NAALAD2: variants seen among roughly 807,000 people sequenced by gnomAD.
NAALAD2 encodes N-acetylated-alpha-linked acidic dipeptidase 2.
NAALAD2 carries 89 observed loss-of-function variants against 95.6 expected under a neutral mutation model. The observed-to-expected ratio is 0.93, with a 90% CI of 0.78 to 1.11. The LOEUF (loss-of-function observed/expected upper bound fraction) is 1.11. Among genes scored for constraint, NAALAD2 ranks in the 50% least tolerant of loss-of-function variants. The pLI, the probability that NAALAD2 is intolerant of heterozygous loss-of-function variation, is 0.00. For missense variants in NAALAD2, 894 were observed against 872.4 expected (o/e 1.02, Z -0.31); for synonymous variants, 264 against 294.4 (o/e 0.90, Z 1.06).
At chr11:90,142,906 A>G (rs1951656053) in intron 2 of NAALAD2, among the ~76,000 whole-genome samples, 1 of 152,018 alleles carries the variant, frequency 6.6e-6, no homozygotes, top group Non-Finnish European at 1.5e-5. Context: ...AGGTTATATT[A>G]TACATCTGTA....
rs116084933 is a variant in NAALAD2 at position 90,177,164 on chromosome 11, C to T, written c.1594-689C>T. ...CGAAGAACTAAAAAGAATATTTATA[C>T]GGGATACTACTATGTAATAATTCAT... On this transcript the variant is annotated intron_variant, in intron 15 of 18. Coordinates refer to ENST00000534061, the MANE Select transcript of NAALAD2 (RefSeq NM_005467.4). Among the ~76,000 whole-genome samples, 973 of 152,130 alleles carry T rather than the reference C, an allele frequency of 6.4e-3. 18 individuals are homozygous for T. The highest frequency in any genetic ancestry group is 0.022 in the African/African-American group (923 of 41,498).
chr11:90,156,523 C>T (rs577359208), intron 6 of NAALAD2, among the ~76,000 whole-genome samples: 1 of 152,106 alleles, frequency 6.6e-6, no homozygotes, highest in East Asian at 1.9e-4. Flanking sequence ...AGTGCTATAC[C>T]TCTCCCTATA....
chr11:90,134,536 C>G (rs1040857658), upstream of NAALAD2: 37 of 540,672 alleles, frequency 6.8e-5, no homozygotes, highest in Non-Finnish European at 1.0e-4. Context: ...GGAAGTTGCC[C>G]GCCAACAGGA....
intron 6 of NAALAD2, among the ~76,000 whole-genome samples, chr11:90,155,698 TA>T (rs1242433945): frequency 1.3e-4 from 6 of 47,188 alleles, no homozygotes; most frequent in African/African-American, 8.1e-4. Flanking sequence ...CATACATATG[TA>T]TGTATTATTA....
chr11:90,139,153 G>C (rs1345190203), intron 2 of NAALAD2, among the ~76,000 whole-genome samples: 2 of 152,040 alleles, frequency 1.3e-5, no homozygotes, highest in Non-Finnish European at 1.5e-5. Context: ...TCCCTTCCTG[G>C]CAAGGTATTT....
intron 11 of NAALAD2, 31 bp from the exon 12 acceptor site, chr11:90,168,898 G>T: frequency 1.9e-6 from 3 of 1,550,102 alleles, no homozygotes; most frequent in Non-Finnish European, 2.6e-6. Flanking sequence ...TAAGTAATGT[G>T]AATTAAGTAA....
intron 2 of NAALAD2, 48 bp downstream of exon 2, chr11:90,135,718 C>A: frequency 1.4e-6 from 2 of 1,480,306 alleles, no homozygotes; most frequent in South Asian, 1.2e-5. Flanking sequence ...TTTAAAATAT[C>A]ACAGTGAGAA....
intron 2 of NAALAD2, among the ~76,000 whole-genome samples, chr11:90,140,501 A>T (rs1230372785): frequency 2.6e-5 from 4 of 151,038 alleles, no homozygotes; most frequent in Admixed American, 6.6e-5. Context: ...AGTTTTTTTT[A>T]AATTGCTGCA....
Position 90,163,017 on chromosome 11 carries a change from G to C in NAALAD2, c.1058G>C (p.Arg353Thr). 1 of 1,571,470 alleles carries C rather than the reference G, an allele frequency of 6.4e-7. No homozygotes were observed. The highest frequency in any genetic ancestry group is 2.3e-5 in the East Asian group (1 of 44,248). The part of the protein sequence containing the change: ...TRIYNVVGTI[R>T]GSVEPDRYVI... The stretch of plus-strand genomic sequence containing the variant: ...ATTTACAATGTAGTTGGAACTATCA[G>C]AGGATCTGTGGAACCTGGTGAGTCA... Residue 353 changes from arginine to threonine, a missense_variant, in exon 9 of 19, where the codon AGA (arginine) becomes ACA (threonine). By Grantham distance (71) the Arg-to-Thr change is moderately conservative. Coordinates refer to ENST00000534061, the MANE Select transcript of NAALAD2 (RefSeq NM_005467.4).
intron 11 of NAALAD2, among the ~76,000 whole-genome samples, chr11:90,166,622 T>G (rs1179845526): frequency 6.6e-6 from 1 of 151,394 alleles, no homozygotes; most frequent in Non-Finnish European, 1.5e-5. Context: ...GATCACGAGG[T>G]CAGGAGATCG....
chr11:90,172,048 G>A (rs150959303), intron 13 of NAALAD2, among the ~76,000 whole-genome samples: 100 of 152,288 alleles, frequency 6.6e-4, no homozygotes, highest in African/African-American at 2.2e-3. Flanking sequence ...CCAACGGGAC[G>A]TGATTTCTGA....
chr11:90,158,231 T>A lies in NAALAD2; in HGVS notation c.883T>A (p.Leu295Ile), dbSNP rs370946523. ...CATTGGATATAATGATGCAGAAATA[T>A]TATTACGGTATAGTTTTCTTGTTGG... ...HPIGYNDAEI[L>I]LRYLGGIAPP... is the part of the protein sequence containing the mutation. Residue 295 changes from leucine (L) to isoleucine (I), a missense_variant, in exon 7 of 19, where the codon TTA (leucine) becomes ATA (isoleucine). Coordinates refer to ENST00000534061, the MANE Select transcript of NAALAD2 (RefSeq NM_005467.4). 4.4e-5 allele frequency: 71 copies of A among 1,604,384 alleles called. 1 individual carries two copies. The South Asian group carries it at 7.8e-4, about 18-fold the overall frequency.
intron 18 of NAALAD2, among the ~76,000 whole-genome samples, chr11:90,189,629 C>T (rs1026607907): frequency 3.3e-5 from 5 of 152,024 alleles, no homozygotes; most frequent in Middle Eastern, 3.4e-3. Context: ...ATTAGCCAGG[C>T]GTGGTGGTAG....
At chr11:90,183,047 A>C (rs775870373) in intron 18 of NAALAD2, 39 bp downstream of exon 18, 3 of 1,470,344 alleles carry the variant, frequency 2.0e-6, no homozygotes, top group East Asian at 4.5e-5. Context: ...CACTGTGACC[A>C]AAACCAGCAT....
At chr11:90,185,669 T>A (rs1255529703) in intron 18 of NAALAD2, among the ~76,000 whole-genome samples, 1 of 152,072 alleles carries the variant, frequency 6.6e-6, no homozygotes, top group African/African-American at 2.4e-5. Flanking sequence ...TTTTTTTCAT[T>A]TTTTTAGATA....
chr11:90,139,992 T>C (rs1169563942), intron 2 of NAALAD2, among the ~76,000 whole-genome samples: 1 of 152,110 alleles, frequency 6.6e-6, no homozygotes, highest in Non-Finnish European at 1.5e-5. Flanking sequence ...AGTGGCACTT[T>C]GTATGGATCC....
Position 90,181,543 on chromosome 11 carries a change from CTG to C in NAALAD2, c.1859-76_1859-75del, listed in dbSNP as rs1440505566. ...TCGACATCTATGTGGTCATATCAAT[CTG>C]GAATGGGGAGGGTGGGAAAGCGAAC... On this transcript the variant is annotated intron_variant, in intron 16 of 18. Transcript: ENST00000534061. 6.3e-6 allele frequency: 6 copies of C among 948,830 alleles called. No homozygotes were observed. In the African/African-American group the frequency reaches 9.9e-5, roughly 16 times the overall value. The allele number at this position is 948,830 out of a possible 1,614,324, so 58.8% of individuals were successfully genotyped here.
chr11:90,155,234 A>G (rs1409735501), intron 6 of NAALAD2, among the ~76,000 whole-genome samples: 2 of 126,948 alleles, frequency 1.6e-5, no homozygotes, highest in Non-Finnish European at 3.1e-5. Context: ...ATGTGTGTGT[A>G]TATATTATAT....
intron 4 of NAALAD2, 49 bp downstream of exon 4, chr11:90,149,156 T>G (rs1455050777): frequency 7.9e-7 from 1 of 1,268,412 alleles, no homozygotes; most frequent in Non-Finnish European, 1.1e-6. Context: ...GTTCTTTTGC[T>G]ATGTAAAACC....
Sources: allele counts gnomAD v4.1 joint callset (sites outside exome capture counted in the v4.1 genomes callset), GRCh38; gene constraint gnomAD v4.1.1; transcripts MANE v1.5; gene names NCBI Gene and HGNC (gene_info 2026-07-23, HGNC 2026-07-21).